NOS1: variants seen among roughly 807,000 people sequenced by gnomAD.
NOS1 encodes NOS type I.
A neutral mutation model predicts 164.5 loss-of-function variants in NOS1; 51 were observed. That is an observed-to-expected ratio of 0.31 (90% confidence interval 0.25 to 0.39). The LOEUF is 0.39. Among genes scored for constraint, NOS1 ranks in the 10% least tolerant of loss-of-function variants. The pLI is 1.00. For synonymous variants in NOS1, 719 were observed against 745.8 expected, an observed-to-expected ratio of 0.96 and a Z score of 0.59; for missense variants, 1,362 against 1,885.6, an observed-to-expected ratio of 0.72 and a Z score of 5.14.
intron 3 of NOS1, among the ~76,000 whole-genome samples, chr12:117,297,715 C>CT (rs1873516383): frequency 6.6e-6 from 1 of 152,084 alleles, no homozygotes; most frequent in African/African-American, 2.4e-5. Context: ...TTAGCAGACA[C>CT]TAGGAAGTAA....
chr12:117,330,332 C>T lies in NOS1; in HGVS notation c.725+13G>A, dbSNP rs1427269474. On this transcript the variant is annotated intron_variant, in intron 2 of 28. Coordinates refer to ENST00000317775, the MANE Select transcript of NOS1 (RefSeq NM_000620.5). This position sits in a 1 kb window ranked among gnomAD's most constrained non-coding sequence, Gnocchi z 4.6. ...CACACACACACACACACACACACCC[C>T]TGTGGAGCTTACCTGTCCACCTGGA... is the stretch of plus-strand genomic sequence containing the variant. 6.5e-7 allele frequency: 1 copy of T among 1,535,272 alleles called. No homozygotes were observed. The highest frequency in any genetic ancestry group is 1.6e-5 in the African/African-American group (1 of 63,430).
At chr12:117,340,093 G>C (rs1876025985) in intron 1 of NOS1, among the ~76,000 whole-genome samples, 1 of 152,026 alleles carries the variant, frequency 6.6e-6, no homozygotes, top group Non-Finnish European at 1.5e-5. Flanking sequence ...CAACCTCCAA[G>C]GCCTGGGCTC....
At chr12:117,222,337 T>C (rs1956720528) in intron 26 of NOS1, among the ~76,000 whole-genome samples, 1 of 152,068 alleles carries the variant, frequency 6.6e-6, no homozygotes, top group African/African-American at 2.4e-5. Context: ...CTCACTGCAA[T>C]CTCTGCCTCC....
intron 11 of NOS1, among the ~76,000 whole-genome samples, chr12:117,265,931 C>A (rs556370338): frequency 1.3e-5 from 2 of 151,110 alleles, no homozygotes; most frequent in South Asian, 4.2e-4. Flanking sequence ...GCTGGGACTA[C>A]AGGCGCCCGC....
chr12:117,240,840 A>T (rs1406262772), intron 20 of NOS1, among the ~76,000 whole-genome samples: 5 of 152,218 alleles, frequency 3.3e-5, no homozygotes, highest in African/African-American at 9.7e-5. Context: ...AGAACCCAGG[A>T]CTGCTCAACT....
intron 2 of NOS1, among the ~76,000 whole-genome samples, chr12:117,327,515 G>C (rs901764553): frequency 1.1e-4 from 16 of 152,194 alleles, no homozygotes; most frequent in African/African-American, 2.9e-4. Context: ...GCTCCCTGAG[G>C]CCCGGGTTCC....
chr12:117,352,824 A>T (rs7298863), intron 1 of NOS1, among the ~76,000 whole-genome samples: 98,236 of 151,936 alleles, frequency 0.65, 32,020 homozygotes, highest in East Asian at 0.74. Flanking sequence ...ATTATTCTCC[A>T]AAGAAACTTG....
chr12:117,336,960 C>T (rs1286660184), intron 1 of NOS1, among the ~76,000 whole-genome samples: 2 of 151,904 alleles, frequency 1.3e-5, no homozygotes, highest in Admixed American at 6.6e-5. Flanking sequence ...CCATGCCCAG[C>T]TAATTTTTGT....
chr12:117,217,134 C>A (rs1340598804), intron 28 of NOS1, among the ~76,000 whole-genome samples: 1 of 152,046 alleles, frequency 6.6e-6, no homozygotes, highest in East Asian at 1.9e-4. Flanking sequence ...CTGTTTCCAG[C>A]AATTTCTAGA....
intron 1 of NOS1, among the ~76,000 whole-genome samples, chr12:117,342,708 T>C (rs1876170938): frequency 6.6e-6 from 1 of 151,998 alleles, no homozygotes; most frequent in Non-Finnish European, 1.5e-5. Context: ...AGTACAGTGG[T>C]CAGATTTAGA....
At chr12:117,320,627 A>G (rs1339685783) in intron 2 of NOS1, among the ~76,000 whole-genome samples, 3 of 152,180 alleles carry the variant, frequency 2.0e-5, no homozygotes, top group Non-Finnish European at 2.9e-5. Flanking sequence ...CAGCCATAGG[A>G]AGCTGATACA....
At chr12:117,312,793 C>T (rs928983490) in intron 2 of NOS1, among the ~76,000 whole-genome samples, 3 of 152,100 alleles carry the variant, frequency 2.0e-5, no homozygotes, top group African/African-American at 7.2e-5. Flanking sequence ...CTCAAGGTCA[C>T]ACAGTGGCAA....
Position 117,263,982 on chromosome 12 carries a change from GAGA to G in NOS1, c.2137-11_2137-9del, listed in dbSNP as rs775062563. 1.1e-5 allele frequency: 17 copies of G among 1,612,418 alleles called. No homozygotes were observed. The highest frequency in any genetic ancestry group is 1.7e-5 in the Admixed American group (1 of 59,974). On this transcript the variant is annotated splice_polypyrimidine_tract_variant and intron_variant, in intron 12 of 28. Coordinates refer to ENST00000317775, the MANE Select transcript of NOS1 (RefSeq NM_000620.5). Reference sequence around the variant, plus strand: ...CGTGTTCCAGGGATCAGGCTGGGAAGAGAAGGAGAGGGCTATGGTCACTCACTG... The same window carrying G: ...CGTGTTCCAGGGATCAGGCTGGGAAGAGGAGAGGGCTATGGTCACTCACTG...
At chr12:117,267,305 G>C (rs1377216295) in intron 11 of NOS1, among the ~76,000 whole-genome samples, 1 of 152,112 alleles carries the variant, frequency 6.6e-6, no homozygotes, top group African/African-American at 2.4e-5. Flanking sequence ...AAAGTGTTGT[G>C]GTGGCCAGGC....
chr12:117,235,940 G>A (rs1869669812), intron 20 of NOS1, among the ~76,000 whole-genome samples: 1 of 152,180 alleles, frequency 6.6e-6, no homozygotes, highest in Non-Finnish European at 1.5e-5. Flanking sequence ...CTACTTGGGA[G>A]GCTGAGGCGG....
At chr12:117,352,187 A>ACATG (rs1876651679) in intron 1 of NOS1, among the ~76,000 whole-genome samples, 1 of 149,224 alleles carries the variant, frequency 6.7e-6, no homozygotes, top group Non-Finnish European at 1.5e-5. Context: ...ATACATACAT[A>ACATG]CATACATACA....
chr12:117,351,900 G>T (rs1016095805), intron 1 of NOS1, among the ~76,000 whole-genome samples: 1 of 152,220 alleles, frequency 6.6e-6, no homozygotes, highest in Non-Finnish European at 1.5e-5. Context: ...TCAAGAACCT[G>T]CTGAGCATGG....
chr12:117,262,353 T>G (rs1261412985), intron 13 of NOS1, among the ~76,000 whole-genome samples: 1 of 147,080 alleles, frequency 6.8e-6, no homozygotes, highest in Non-Finnish European at 1.5e-5. Flanking sequence ...GTTAGGGAAA[T>G]GGTGGCTGCT....
rs757580443 is a variant in NOS1 at position 117,220,098 on chromosome 12, C to A, written c.4147G>T (p.Gly1383Cys). 7.4e-6 allele frequency: 12 copies of A among 1,611,274 alleles called. No individual in the cohort carries two copies. Among genetic ancestry groups the A allele is most frequent in the African/African-American group, 1.3e-5 (1 of 74,854 alleles). Residue 1383 changes from glycine (G) to cysteine (C), a missense_variant, in exon 27 of 29, where the codon GGC becomes TGC. Physicochemically the swap from Gly to Cys is radical, Grantham distance 159. This residue lies in a region of NOS1 where 737 missense variants were observed against 1,030.3 expected (regional missense o/e 0.72). Transcript: ENST00000317775. ...ACCCTCATCCGGCTGATGAATACGC[C>A]GGCGTCCTCTGCCGAGAGCTTCCCC... The part of the protein sequence containing the change: ...QQGKLSAEDA[G>C]VFISRMRDDN...
Sources: allele counts gnomAD v4.1 joint callset (sites outside exome capture counted in the v4.1 genomes callset), GRCh38; gene constraint gnomAD v4.1.1; regional missense constraint gnomAD v4.1.1; non-coding constraint Gnocchi (gnomAD v3.1); transcripts MANE v1.5; gene names NCBI Gene and HGNC (gene_info 2026-07-23, HGNC 2026-07-21).